L3MBTL3: variants seen among roughly 807,000 people sequenced by gnomAD.
L3MBTL3 encodes the protein L3MBTL histone methyl-lysine binding protein 3, also known as lethal(3)malignant brain tumor-like protein 3.
A neutral mutation model predicts 102.3 loss-of-function variants in L3MBTL3; 27 were observed. The ratio of observed to expected loss-of-function variants is 0.26; its 90% CI spans 0.19 to 0.36. L3MBTL3 has a LOEUF of 0.36. Among genes scored for constraint, L3MBTL3 ranks in the 10% least tolerant of loss-of-function variants. The pLI, the probability that L3MBTL3 is intolerant of heterozygous loss-of-function variation, is 1.00. For missense variants in L3MBTL3, 798 were observed against 955.3 expected, an observed-to-expected ratio of 0.84 and a Z score of 2.17; for synonymous variants, 340 against 320.9, an observed-to-expected ratio of 1.06 and a Z score of -0.64.
intron 10 of L3MBTL3, among the ~76,000 whole-genome samples, chr6:130,063,168 GTC>G (rs1782023410): frequency 6.6e-6 from 1 of 152,076 alleles, no homozygotes; most frequent in Non-Finnish European, 1.5e-5. Context: ...AGAAGGAGGA[GTC>G]TCTTGCATTA....
chr6:130,037,399 A>G (rs1016110577), intron 2 of L3MBTL3, among the ~76,000 whole-genome samples: 8 of 152,140 alleles, frequency 5.3e-5, no homozygotes, highest in African/African-American at 1.9e-4. Context: ...ACCAGGGGGA[A>G]GATATTCTGT....
chr6:130,080,683 T>A (rs1319322148), intron 14 of L3MBTL3, among the ~76,000 whole-genome samples: 2 of 152,202 alleles, frequency 1.3e-5, no homozygotes, highest in Non-Finnish European at 2.9e-5. Flanking sequence ...AATAGCTTTT[T>A]GACACATTTT....
intron 13 of L3MBTL3, among the ~76,000 whole-genome samples, chr6:130,075,666 A>AG (rs1307873872): frequency 2.6e-5 from 4 of 152,170 alleles, no homozygotes; most frequent in Non-Finnish European, 5.9e-5. Context: ...TTGACTTCTA[A>AG]GGAGGGTTCC....
intron 5 of L3MBTL3, 145 bp downstream of exon 5, chr6:130,049,975 C>G: frequency 9.6e-7 from 1 of 1,038,252 alleles, no homozygotes. Context: ...ACACAGGAGT[C>G]ATCCTGAATT....
At chr6:130,137,168 G>A (rs899259735) in intron 22 of L3MBTL3, among the ~76,000 whole-genome samples, 3 of 152,202 alleles carry the variant, frequency 2.0e-5, no homozygotes, top group African/African-American at 2.4e-5. Context: ...CTCAGACAGA[G>A]CATGTCACTG....
chr6:130,109,968 T>G (rs1476496714), intron 19 of L3MBTL3, among the ~76,000 whole-genome samples: 4 of 152,238 alleles, frequency 2.6e-5, no homozygotes, highest in African/African-American at 7.2e-5. Context: ...GTTTCCCGCT[T>G]GCTTGTTTTT....
At chr6:130,129,442 T>C (rs1281012286) in intron 20 of L3MBTL3, among the ~76,000 whole-genome samples, 1 of 152,224 alleles carries the variant, frequency 6.6e-6, no homozygotes, top group Non-Finnish European at 1.5e-5. Context: ...GATGACAGCT[T>C]TGGTTCTACA....
intron 20 of L3MBTL3, among the ~76,000 whole-genome samples, chr6:130,126,281 C>T (rs1392262936): frequency 1.3e-5 from 2 of 151,154 alleles, no homozygotes; most frequent in African/African-American, 4.8e-5. Context: ...ACTCTCTCTC[C>T]TGGGTGGCTC....
intron 22 of L3MBTL3, among the ~76,000 whole-genome samples, chr6:130,134,701 T>C (rs1787433849): frequency 6.6e-6 from 1 of 152,172 alleles, no homozygotes. Context: ...CTGAGTAATC[T>C]CAGAAGGTGC....
chr6:130,030,972 A>G (rs931882955), intron 2 of L3MBTL3, among the ~76,000 whole-genome samples: 1 of 152,120 alleles, frequency 6.6e-6, no homozygotes, highest in Non-Finnish European at 1.5e-5. Flanking sequence ...TTTCCCTTTC[A>G]TGTTTGTTAG....
intron 2 of L3MBTL3, among the ~76,000 whole-genome samples, chr6:130,041,330 C>G (rs1273762540): frequency 6.6e-6 from 1 of 152,112 alleles, no homozygotes; most frequent in African/African-American, 2.4e-5. Flanking sequence ...TGGTTGTTGC[C>G]TAGAACCATT....
At chr6:130,070,152 TGTA>T (rs778091699) in intron 12 of L3MBTL3, among the ~76,000 whole-genome samples, 1 of 151,416 alleles carries the variant, frequency 6.6e-6, no homozygotes, top group Non-Finnish European at 1.5e-5. Context: ...AGGAATGACT[TGTA>T]GTGTGTTGTG....
At chr6:130,057,274 G>A (rs369267231) in intron 8 of L3MBTL3, 132 bp from the exon 9 acceptor site, 4 of 731,124 alleles carry the variant, frequency 5.5e-6, no homozygotes, top group African/African-American at 1.8e-5. Context: ...CAGGAAGAGA[G>A]ACAGAGATAC....
At chr6:130,066,140 C>T (rs940712045) in intron 10 of L3MBTL3, among the ~76,000 whole-genome samples, 3 of 152,074 alleles carry the variant, frequency 2.0e-5, no homozygotes, top group African/African-American at 7.2e-5. Context: ...AGAATGTTGC[C>T]AGAATGCCAC....
In L3MBTL3 at chr6:130,071,118, A is replaced by G. The variant is rs774678258; in HGVS notation, c.1235A>G (p.Tyr412Cys). ...LVHFDNWDES[Y>C]DYWCEASSPH... ...CATTTTGACAACTGGGATGAGAGCT[A>G]TGACTATTGGTGAGACATTTTCTGT... The change falls in exon 13 of 23, where the codon TAT (tyrosine) becomes TGT (cysteine). Residue 412 changes from tyrosine to cysteine, a missense_variant. Tyr to Cys is a radical substitution (Grantham distance 194). Transcript: ENST00000361794. 8.1e-6 allele frequency: 13 copies of G among 1,611,500 alleles called. No individual in the cohort carries two copies. The highest frequency in any genetic ancestry group is 1.1e-5 in the South Asian group (1 of 90,740).
intron 1 of L3MBTL3, among the ~76,000 whole-genome samples, chr6:130,021,119 C>T (rs1778984922): frequency 1.3e-5 from 2 of 151,892 alleles, no homozygotes; most frequent in African/African-American, 2.4e-5. Context: ...TGGATTTTTG[C>T]GCAAGTTTTT....
chr6:130,039,481 C>T (rs1381069367), intron 2 of L3MBTL3, among the ~76,000 whole-genome samples: 2 of 152,022 alleles, frequency 1.3e-5, no homozygotes, highest in Non-Finnish European at 2.9e-5. Flanking sequence ...ATCTAAATTT[C>T]ATACTTCCTT....
chr6:130,110,632 G>T (rs535375668), intron 19 of L3MBTL3, among the ~76,000 whole-genome samples: 1 of 152,042 alleles, frequency 6.6e-6, no homozygotes, highest in Non-Finnish European at 1.5e-5. Flanking sequence ...CAATCATGTC[G>T]TCCACAAACA....
intron 18 of L3MBTL3, among the ~76,000 whole-genome samples, chr6:130,104,071 A>G (rs1178752505): frequency 6.6e-6 from 1 of 152,126 alleles, no homozygotes; most frequent in East Asian, 1.9e-4. Flanking sequence ...TAACCAATCA[A>G]TCAGTCTCTC....
Sources: gnomAD v4.1 joint callset for allele counts (sites outside exome capture counted in the v4.1 genomes callset) on GRCh38, gnomAD v4.1.1 for gene constraint, MANE v1.5 for transcripts, NCBI Gene and HGNC (gene_info 2026-07-23, HGNC 2026-07-21) for gene names.